The following MAP3K5 variants were observed in gnomAD, a reference collection of about 807,000 sequenced individuals.
MAP3K5 encodes the protein mitogen-activated protein kinase kinase kinase 5, also known as ASK-1.
A neutral mutation model predicts 158.7 loss-of-function variants in MAP3K5; 56 were observed. That is an observed-to-expected ratio of 0.35 (90% CI 0.28 to 0.44). The LOEUF (loss-of-function observed/expected upper bound fraction) is 0.44, where lower values mean the gene tolerates loss of function less well. MAP3K5 is among the 20% of genes least tolerant of loss of function. The pLI is 1.00. For missense variants in MAP3K5, 1,294 were observed against 1,674.8 expected (o/e 0.77, Z 3.97); for synonymous variants, 579 against 601.7 (o/e 0.96, Z 0.55).
At chr6:136,705,178 GAATAATTCAACAACATTTATTGA>G (rs1781019973) in intron 2 of MAP3K5, 45 bp from the exon 3 acceptor site, 1 of 891,788 alleles carries the variant, frequency 1.1e-6, no homozygotes, top group Non-Finnish European at 1.7e-6. Flanking sequence ...ATACAAAACT[GAATAATTCAACAACATTTATTGA>G]ACTATGTGGG....
chr6:136,691,470 G>T (rs1320309225), intron 7 of MAP3K5, among the ~76,000 whole-genome samples: 1 of 152,112 alleles, frequency 6.6e-6, no homozygotes, highest in Non-Finnish European at 1.5e-5. Flanking sequence ...AAGTAGCTGG[G>T]CATGGTGGGG....
intron 25 of MAP3K5, among the ~76,000 whole-genome samples, chr6:136,575,028 T>C (rs1479822059): frequency 6.6e-6 from 1 of 152,080 alleles, no homozygotes; most frequent in African/African-American, 2.4e-5. Context: ...GAAATAATTT[T>C]AGGATAACAG....
At position 136,672,508 on chromosome 6, in the gene MAP3K5, G is replaced by C. The variant is rs1027679735; in HGVS notation, c.1254-3113C>G. ...GACAATTGCGTGGTTTGGCACGACAGAATGAAACCCGAAGGAGTCCCAAAT... is the reference window on the plus strand; with the variant it reads ...GACAATTGCGTGGTTTGGCACGACACAATGAAACCCGAAGGAGTCCCAAAT... On this transcript the variant is annotated intron_variant, in intron 7 of 29. Coordinates refer to ENST00000359015, the MANE Select transcript of MAP3K5 (RefSeq NM_005923.4). Among the ~76,000 whole-genome samples the C allele has an allele frequency of 3.3e-5, 5 of 152,168 alleles. No homozygotes were observed. In the South Asian group the frequency reaches 6.2e-4, roughly 19 times the overall value.
intron 11 of MAP3K5, among the ~76,000 whole-genome samples, chr6:136,646,754 T>C (rs1778276163): frequency 6.6e-6 from 1 of 152,274 alleles, no homozygotes; most frequent in Non-Finnish European, 1.5e-5. Context: ...TGAGAACATG[T>C]ATGTGTATAC....
chr6:136,608,319 T>C (rs1039696581), intron 18 of MAP3K5, among the ~76,000 whole-genome samples: 2 of 150,784 alleles, frequency 1.3e-5, no homozygotes, highest in Admixed American at 6.6e-5. Context: ...GGACTTGGTT[T>C]ATGTTTCAGA....
intron 1 of MAP3K5, among the ~76,000 whole-genome samples, chr6:136,745,201 A>C (rs1455982777): frequency 2.5e-5 from 3 of 121,240 alleles, no homozygotes; most frequent in African/African-American, 1.0e-4. Flanking sequence ...TCTATTATGT[A>C]TCTTGTTTAG....
chr6:136,713,994 C>G (rs1412479453), intron 2 of MAP3K5, among the ~76,000 whole-genome samples: 2 of 152,108 alleles, frequency 1.3e-5, no homozygotes, highest in Non-Finnish European at 2.9e-5. Flanking sequence ...TTTTAAAATG[C>G]TGAAAAGAAT....
chr6:136,752,536 C>G (rs574060499), intron 1 of MAP3K5, among the ~76,000 whole-genome samples: 1 of 152,162 alleles, frequency 6.6e-6, no homozygotes. Flanking sequence ...TTCAGCCTCC[C>G]GAGTAGCTGG....
rs771916085 is a variant in MAP3K5 at position 136,613,108 on chromosome 6, G to T, written c.2415+12C>A. ...GAAAGAACTCATGAAAATGAATGCT[G>T]GTGTACCTCACCTTTATGTCCCGGT... On this transcript the variant is annotated intron_variant, in intron 17 of 29. Transcript: ENST00000359015. This position sits in a 1 kb window ranked among gnomAD's most constrained non-coding sequence, Gnocchi z 4.0. The T allele has an allele frequency of 1.9e-6, 3 of 1,592,516 alleles. No homozygotes were observed. The highest frequency in any genetic ancestry group is 2.6e-6 in the Non-Finnish European group (3 of 1,170,572).
intron 1 of MAP3K5, 42 bp downstream of exon 1, chr6:136,791,668 G>A: frequency 6.3e-7 from 1 of 1,596,174 alleles, no homozygotes; most frequent in Non-Finnish European, 8.6e-7. Flanking sequence ...GATTAAACGC[G>A]GGTCCCGACC....
chr6:136,738,257 G>A (rs1306540839), intron 1 of MAP3K5, among the ~76,000 whole-genome samples: 1 of 152,074 alleles, frequency 6.6e-6, no homozygotes, highest in Non-Finnish European at 1.5e-5. Context: ...CTCCTGTAAC[G>A]TATCGCTTGG....
chr6:136,624,488 T>A (rs6570085), intron 14 of MAP3K5, among the ~76,000 whole-genome samples: 2 of 152,176 alleles, frequency 1.3e-5, no homozygotes, highest in Non-Finnish European at 2.9e-5. Context: ...GAGCTCTGTA[T>A]CCAGATACAG....
At chr6:136,779,364 GTC>G (rs1784520350) in intron 1 of MAP3K5, among the ~76,000 whole-genome samples, 1 of 149,468 alleles carries the variant, frequency 6.7e-6, no homozygotes, top group South Asian at 2.1e-4. Context: ...GATCACTTGA[GTC>G]TGGAAGATCA....
chr6:136,630,331 T>G (rs1583302436), intron 14 of MAP3K5: 1 of 152,228 alleles, frequency 6.6e-6, no homozygotes, highest in East Asian at 1.9e-4. Context: ...GATGAGAGCA[T>G]GTAAGCTCTC....
chr6:136,713,453 C>G (rs925148463), intron 2 of MAP3K5, among the ~76,000 whole-genome samples: 5 of 152,174 alleles, frequency 3.3e-5, no homozygotes, highest in Non-Finnish European at 7.3e-5. Flanking sequence ...TAATTGACAT[C>G]CAAGAAAGCT....
chr6:136,630,173 A>G (rs1308445877), intron 14 of MAP3K5: 1 of 152,220 alleles, frequency 6.6e-6, no homozygotes, highest in Non-Finnish European at 1.5e-5. Flanking sequence ...ATCACCATCT[A>G]ACATACTATA....
chr6:136,689,168 C>T (rs953712051), intron 7 of MAP3K5, among the ~76,000 whole-genome samples: 1 of 152,122 alleles, frequency 6.6e-6, no homozygotes, highest in African/African-American at 2.4e-5. Flanking sequence ...AGTGTTATAG[C>T]GTGCACCTGT....
rs182676038 is a variant in MAP3K5, at chr6:136,739,908, T to C, written c.449-19319A>G. Among the ~76,000 whole-genome samples, 318 of 152,316 alleles carry C rather than the reference T, an allele frequency of 2.1e-3. 2 individuals carry two copies. The highest frequency in any genetic ancestry group is 7.2e-3 in the African/African-American group (299 of 41,578). On this transcript the variant is annotated intron_variant, in intron 1 of 29. Coordinates refer to ENST00000359015, the MANE Select transcript of MAP3K5 (RefSeq NM_005923.4). ...TAAGCAAGCGGCAGTTCCTGCACCA[T>C]TAGCTGTCCCTTCCATGGGCAGTGG...
intron 1 of MAP3K5, among the ~76,000 whole-genome samples, chr6:136,769,810 A>G (rs1471896003): frequency 4.2e-4 from 11 of 26,328 alleles, no homozygotes; most frequent in Non-Finnish European, 6.2e-4. Flanking sequence ...GGAGGGAGGG[A>G]GGGGACGGGA....
Sources: gnomAD v4.1 joint callset for allele counts (sites outside exome capture counted in the v4.1 genomes callset) on GRCh38, gnomAD v4.1.1 for gene constraint, Gnocchi (gnomAD v3.1) non-coding constraint, MANE v1.5 for transcripts, NCBI Gene and HGNC (gene_info 2026-07-23, HGNC 2026-07-21) for gene names.